Variants in HINT1 observed in about 807,000 individuals in gnomAD.
The protein encoded by HINT1 is histidine triad nucleotide binding protein 1.
A neutral mutation model predicts 11.2 loss-of-function variants in HINT1; 12 were observed. The observed-to-expected ratio is 1.07, with a 90% confidence interval of 0.69 to 1.74. HINT1 has a LOEUF of 1.74. Ranked by LOEUF, HINT1 falls within the 40% of genes most tolerant of loss-of-function variation. HINT1 has a pLI of 0.00. For missense variants in HINT1, 150 were observed against 161.8 expected (o/e 0.93, Z 0.40); for synonymous variants, 42 against 52.6 (o/e 0.80, Z 0.87).
rs544050021 is a variant in HINT1, at chr5:131,163,052, G to C, written c.112-376C>G. 4.6e-5 allele frequency among the ~76,000 whole-genome samples: 7 copies of C among 152,152 alleles called. No individual in the cohort carries two copies. The South Asian group carries it at 1.5e-3, about 32-fold the overall frequency. ...GGGTTTCACCATGTTGTCCAGGCTG[G>C]TCTCGAACTCCTGACCTCAGGTGAT... On this transcript the variant is annotated intron_variant, in intron 1 of 2. Transcript: ENST00000304043.
intron 2 of HINT1, chr5:131,162,198 C>T: frequency 1.9e-6 from 1 of 523,756 alleles, no homozygotes; most frequent in East Asian, 3.0e-5. Flanking sequence ...GTGGCGGGCG[C>T]CTGTTGTCCC....
chr5:131,160,575 C>T, intron 2 of HINT1: 1 of 396,446 alleles, frequency 2.5e-6, no homozygotes, highest in East Asian at 1.5e-4. Flanking sequence ...ATTCCTTTGG[C>T]AAGAAAAGAG....
chr5:131,162,816 A>G (rs760659408), intron 1 of HINT1, 140 bp from the exon 2 acceptor site: 5 of 606,160 alleles, frequency 8.2e-6, no homozygotes, highest in Non-Finnish European at 1.5e-5. Context: ...CACATTACGA[A>G]TGGTGCCGTG....
intron 2 of HINT1, chr5:131,160,550 A>G: frequency 3.9e-6 from 1 of 253,914 alleles, no homozygotes; most frequent in Non-Finnish European, 6.3e-6. Flanking sequence ...GCTCTCAGGA[A>G]AGGGAACTCC....
chr5:131,159,879 T>A (rs1755205804), intron 2 of HINT1, among the ~76,000 whole-genome samples: 1 of 151,816 alleles, frequency 6.6e-6, no homozygotes, highest in Non-Finnish European at 1.5e-5. Context: ...AGAGATGGGG[T>A]CTTGCTCTGT....
chr5:131,164,049 A>T (rs566286401), intron 1 of HINT1, among the ~76,000 whole-genome samples: 7 of 149,340 alleles, frequency 4.7e-5, no homozygotes, highest in South Asian at 4.2e-4. Flanking sequence ...GAGACAAAGT[A>T]TTTTTTTTTT....
intron 1 of HINT1, among the ~76,000 whole-genome samples, chr5:131,163,056 C>T (rs1303863761): frequency 6.6e-6 from 1 of 152,110 alleles, no homozygotes; most frequent in African/African-American, 2.4e-5. Context: ...AGGCTGGTCT[C>T]GAACTCCTGA....
chr5:131,165,251 A>C lies in HINT1; in HGVS notation c.-46T>G, dbSNP rs1284243249. On this transcript the variant is annotated 5_prime_UTR_variant, in exon 1 of 3. Transcript: ENST00000304043. ...GCGGCCAGAGGAGAGGCTCGGAAGA[A>C]GGGAGGAACCCGCAGAGCGTGCGGC... The C allele has an allele frequency of 1.3e-6, 2 of 1,590,108 alleles. No individual in the cohort carries two copies. Among genetic ancestry groups the C allele is most frequent in the Non-Finnish European group, 1.7e-6 (2 of 1,173,942 alleles).
chr5:131,164,915 G>T, intron 1 of HINT1, 180 bp downstream of exon 1: 1 of 769,876 alleles, frequency 1.3e-6, no homozygotes, highest in Non-Finnish European at 1.9e-6. Context: ...GCACGCGCCG[G>T]CAGGCCGCCT....
Position 131,165,141 on chromosome 5 carries a change from A to T in HINT1, c.65T>A (p.Ile22Asn). 6.2e-7 allele frequency: 1 copy of T among 1,612,908 alleles called. No homozygotes were observed. Among genetic ancestry groups the T allele is most frequent in the Non-Finnish European group, 8.5e-7 (1 of 1,179,914 alleles). The change falls in exon 1 of 3, where the codon ATC (isoleucine) becomes AAC (asparagine). Residue 22 changes from isoleucine to asparagine, a missense_variant. Ile to Asn is a moderately radical substitution (Grantham distance 149). Coordinates refer to ENST00000304043, the MANE Select transcript of HINT1 (RefSeq NM_005340.7). ...TTTGGCTGGTATTTCCTTGCGGATG[A>T]TCTTCCCAAAGATCGTGTCGCCACC... is the stretch of plus-strand genomic sequence containing the variant. Reference protein sequence around the residue: ...RPGGDTIFGKIIRKEIPAKII... With the variant: ...RPGGDTIFGKNIRKEIPAKII...
intron 2 of HINT1, among the ~76,000 whole-genome samples, chr5:131,160,481 T>C (rs1366563621): frequency 1.3e-5 from 2 of 152,206 alleles, no homozygotes; most frequent in East Asian, 3.8e-4. Context: ...ATTTCACTGC[T>C]TATGCTTTCC....
chr5:131,164,148 T>C (rs1179452757), intron 1 of HINT1, among the ~76,000 whole-genome samples: 2 of 152,236 alleles, frequency 1.3e-5, no homozygotes, highest in African/African-American at 4.8e-5. Flanking sequence ...TTAGATTTTA[T>C]ATTTCCTAAA....
chr5:131,165,016 C>T (rs1755360016), intron 1 of HINT1, 79 bp downstream of exon 1: 1 of 1,593,822 alleles, frequency 6.3e-7, no homozygotes, highest in African/African-American at 1.3e-5. Context: ...GCGACCCCTC[C>T]TCTCCCTCCG....
rs1561535921 is a variant in HINT1 at position 131,159,497 on chromosome 5, C to CGT, written c.329_330dup (p.Val111ThrfsTer32). The CGT allele has an allele frequency of 1.2e-6, 2 of 1,613,392 alleles. No homozygotes were observed. Among genetic ancestry groups the CGT allele is most frequent in the Non-Finnish European group, 1.7e-6 (2 of 1,179,928 alleles). On this transcript the variant is annotated frameshift_variant, in exon 3 of 3. Transcript: ENST00000304043. LOFTEE classifies it high-confidence loss of function. ...CGACCTCCAAGAACATGGAGATGAA[C>CGT]GTGATAGACAGACTGTCCACCATCT...
At chr5:131,162,480 T>C (rs772304894) in intron 2 of HINT1, 92 bp downstream of exon 2, 13 of 1,575,918 alleles carry the variant, frequency 8.2e-6, no homozygotes, top group Middle Eastern at 1.7e-4. Flanking sequence ...GTAATGACCT[T>C]AGGAAGATGA....
intron 1 of HINT1, among the ~76,000 whole-genome samples, chr5:131,163,010 G>A (rs1469593661): frequency 6.6e-6 from 1 of 151,902 alleles, no homozygotes; most frequent in African/African-American, 2.4e-5. Flanking sequence ...GCTAATTTTT[G>A]TGTTTTTGTA....
At chr5:131,162,988 C>G (rs113503971) in intron 1 of HINT1, among the ~76,000 whole-genome samples, 1 of 152,088 alleles carries the variant, frequency 6.6e-6, no homozygotes, top group Non-Finnish European at 1.5e-5. Context: ...CAGGCACGTG[C>G]CATCATGCCC....
intron 2 of HINT1, chr5:131,162,001 T>A (rs1476158660): frequency 6.1e-6 from 1 of 164,060 alleles, no homozygotes. Context: ...TCCTTATGAT[T>A]TTCTTAATAA....
At position 131,160,247 on chromosome 5, in the gene HINT1, T is replaced by C. The variant is rs541826909; in HGVS notation, c.217-636A>G. 2.0e-5 allele frequency among the ~76,000 whole-genome samples: 3 copies of C among 152,318 alleles called. No homozygotes were observed. The East Asian group carries it at 5.8e-4, about 29-fold the overall frequency. On this transcript the variant is annotated intron_variant, in intron 2 of 2. Transcript: ENST00000304043. ...CTTTATGACTTCCTTATGACCATTA[T>C]GGATTTTCCTTTGAACACTACCAGA...
Sources: allele counts gnomAD v4.1 joint callset (sites outside exome capture counted in the v4.1 genomes callset), GRCh38; gene constraint gnomAD v4.1.1; transcripts MANE v1.5; gene names NCBI Gene and HGNC (gene_info 2026-07-23, HGNC 2026-07-21).